Variants in PCDH9 observed in about 807,000 individuals in gnomAD.
PCDH9 encodes protocadherin 9.
In PCDH9, 24 loss-of-function variants were observed where a neutral mutation model predicts 70.6. That is an observed-to-expected ratio of 0.34 (90% CI 0.25 to 0.48). The LOEUF is 0.48. Among genes scored for constraint, PCDH9 ranks in the 20% least tolerant of loss-of-function variants. PCDH9 has a pLI of 0.99. For synonymous variants in PCDH9, 562 were observed against 558.5 expected, an observed-to-expected ratio of 1.01 and a Z score of -0.09; for missense variants, 1,281 against 1,503.6, an observed-to-expected ratio of 0.85 and a Z score of 2.45.
At chr13:66,592,473 C>G (rs1402978851) in intron 4 of PCDH9, among the ~76,000 whole-genome samples, 1 of 151,668 alleles carries the variant, frequency 6.6e-6, no homozygotes, top group Non-Finnish European at 1.5e-5. Flanking sequence ...ACATTAAAAG[C>G]AAAAGAAATT....
At chr13:66,941,495 T>G (rs1363526878) in intron 2 of PCDH9, among the ~76,000 whole-genome samples, 1 of 151,744 alleles carries the variant, frequency 6.6e-6, no homozygotes, top group East Asian at 1.9e-4. Context: ...CTAACTAATA[T>G]GCTGTCTATA....
intron 2 of PCDH9, among the ~76,000 whole-genome samples, chr13:67,056,947 T>G (rs2085432489): frequency 6.6e-6 from 1 of 152,210 alleles, no homozygotes; most frequent in Non-Finnish European, 1.5e-5. Flanking sequence ...GATACAAAGA[T>G]GAACAATTAT....
chr13:66,659,553 T>TGTGTGTGTGTGTGTGTGTGTGTG (rs59132032), intron 3 of PCDH9, among the ~76,000 whole-genome samples: 7,377 of 148,704 alleles, frequency 0.05, 228 homozygotes, highest in Middle Eastern at 0.061. Context: ...GTGTGTGTGT[T>TGTGTGTGTGTGTGTGTGTGTGTG]TGTGTGTGTT....
intron 2 of PCDH9, among the ~76,000 whole-genome samples, chr13:67,056,136 T>G (rs1291652435): frequency 1.3e-5 from 2 of 152,218 alleles, no homozygotes; most frequent in Non-Finnish European, 2.9e-5. Flanking sequence ...TTAAGAGGTC[T>G]TATTAATTCT....
chr13:66,764,579 T>G (rs1359206898), intron 3 of PCDH9, among the ~76,000 whole-genome samples: 1 of 152,042 alleles, frequency 6.6e-6, no homozygotes, highest in Non-Finnish European at 1.5e-5. Context: ...AATTTAGCTT[T>G]AAATTGTCTG....
At chr13:66,680,562 A>G (rs191723926) in intron 3 of PCDH9, among the ~76,000 whole-genome samples, 1 of 151,958 alleles carries the variant, frequency 6.6e-6, no homozygotes, top group Non-Finnish European at 1.5e-5. Flanking sequence ...GTTTTTTGAC[A>G]AGCTAACAAT....
At chr13:66,735,593 G>T (rs1234648201) in intron 3 of PCDH9, among the ~76,000 whole-genome samples, 3 of 152,174 alleles carry the variant, frequency 2.0e-5, no homozygotes, top group Non-Finnish European at 4.4e-5. Flanking sequence ...CAAAATTAGA[G>T]TCAGAATTTC....
intron 3 of PCDH9, among the ~76,000 whole-genome samples, chr13:66,874,473 A>T (rs1265900631): frequency 6.6e-6 from 1 of 152,190 alleles, no homozygotes; most frequent in Non-Finnish European, 1.5e-5. Context: ...TAGGATAAAC[A>T]TACTTCATGG....
At chr13:66,767,081 C>G (rs1427238160) in intron 3 of PCDH9, among the ~76,000 whole-genome samples, 1 of 151,970 alleles carries the variant, frequency 6.6e-6, no homozygotes, top group Non-Finnish European at 1.5e-5. Context: ...AGGTCTGATA[C>G]AGCGTCTAAA....
At chr13:67,073,383 A>T (rs2085806563) in intron 2 of PCDH9, among the ~76,000 whole-genome samples, 1 of 152,146 alleles carries the variant, frequency 6.6e-6, no homozygotes, top group African/African-American at 2.4e-5. Flanking sequence ...TCCAAAATTC[A>T]TCAGAAAGGG....
At chr13:66,867,754 T>A (rs1438048693) in intron 3 of PCDH9, among the ~76,000 whole-genome samples, 2 of 152,088 alleles carry the variant, frequency 1.3e-5, no homozygotes, top group East Asian at 3.8e-4. Flanking sequence ...GAATTTATAA[T>A]GTAAATCATT....
chr13:66,874,914 A>AGT (rs36045690), intron 3 of PCDH9, among the ~76,000 whole-genome samples: 14,783 of 137,290 alleles, frequency 0.11, 809 homozygotes, highest in African/African-American at 0.12. Context: ...CAAAAGCAGC[A>AGT]GTGTGTGTGT....
At chr13:66,935,798 C>T (rs1225680916) in intron 2 of PCDH9, among the ~76,000 whole-genome samples, 1 of 151,954 alleles carries the variant, frequency 6.6e-6, no homozygotes, top group African/African-American at 2.4e-5. Flanking sequence ...ATATATTTTG[C>T]AGCCGGGCAC....
intron 4 of PCDH9, among the ~76,000 whole-genome samples, chr13:66,587,952 G>T (rs1403712503): frequency 6.6e-6 from 1 of 152,026 alleles, no homozygotes; most frequent in African/African-American, 2.4e-5. Flanking sequence ...GCTTTTGGTT[G>T]AATGTCGCTC....
intron 4 of PCDH9, among the ~76,000 whole-genome samples, chr13:66,585,182 G>A (rs747184018): frequency 5.3e-5 from 8 of 151,958 alleles, no homozygotes; most frequent in Non-Finnish European, 8.8e-5. Flanking sequence ...TGTGGTGCAT[G>A]CATTTATTTA....
At chr13:67,094,666 T>C (rs1465422754) in intron 2 of PCDH9, among the ~76,000 whole-genome samples, 1 of 97,318 alleles carries the variant, frequency 1.0e-5, no homozygotes, top group Non-Finnish European at 2.7e-5. Context: ...ATTCTTCTTC[T>C]TTTTTTTTTT....
At chr13:66,345,771 C>A (rs935013549) in intron 4 of PCDH9, among the ~76,000 whole-genome samples, 6 of 152,054 alleles carry the variant, frequency 3.9e-5, no homozygotes, top group Admixed American at 3.3e-4. Context: ...TGTCTTGAAG[C>A]GTACCCTGCG....
chr13:66,629,862 A>G (rs2077546883), intron 4 of PCDH9, among the ~76,000 whole-genome samples: 1 of 152,184 alleles, frequency 6.6e-6, no homozygotes, highest in Admixed American at 6.5e-5. Flanking sequence ...TACCTTAGAA[A>G]GAATCTGTCC....
At chr13:66,796,132 A>G (rs960713714) in intron 3 of PCDH9, among the ~76,000 whole-genome samples, 3 of 152,190 alleles carry the variant, frequency 2.0e-5, no homozygotes, top group Non-Finnish European at 2.9e-5. Flanking sequence ...AGTTTTCACT[A>G]TCCCTTGGCT....
Sources: gnomAD v4.1 joint callset for allele counts (sites outside exome capture counted in the v4.1 genomes callset) on GRCh38, gnomAD v4.1.1 for gene constraint, MANE v1.5 for transcripts, NCBI Gene and HGNC (gene_info 2026-07-23, HGNC 2026-07-21) for gene names.